The following DNAJB6 variants were observed in gnomAD, a reference collection of about 807,000 sequenced individuals.
The protein encoded by DNAJB6 is DnaJ heat shock protein family (Hsp40) member B6.
In DNAJB6, 16 loss-of-function variants were observed where a neutral mutation model predicts 42.7. That is an observed-to-expected ratio of 0.37 (90% CI 0.25 to 0.57). The LOEUF (loss-of-function observed/expected upper bound fraction) is 0.57, where lower values mean the gene tolerates loss of function less well. Among genes scored for constraint, DNAJB6 ranks in the 20% least tolerant of loss-of-function variants. The pLI is 0.74. For missense variants in DNAJB6, 347 were observed against 416.8 expected (o/e 0.83, Z 1.46); for synonymous variants, 170 against 163.5 (o/e 1.04, Z -0.30).
chr7:157,347,527 G>A (rs532326268), intron 1 of DNAJB6, among the ~76,000 whole-genome samples: 1 of 152,236 alleles, frequency 6.6e-6, no homozygotes, highest in African/African-American at 2.4e-5. Flanking sequence ...TTTTGAACTT[G>A]CTGGAACATT....
chr7:157,351,803 T>C (rs1014718882), intron 1 of DNAJB6, among the ~76,000 whole-genome samples: 6 of 148,008 alleles, frequency 4.1e-5, no homozygotes, highest in African/African-American at 1.2e-4. Flanking sequence ...GTGTCTACTT[T>C]AAAAAAAACC....
chr7:157,377,508 C>T (rs531480246), intron 5 of DNAJB6, among the ~76,000 whole-genome samples: 12 of 152,092 alleles, frequency 7.9e-5, no homozygotes, highest in South Asian at 6.3e-4. Flanking sequence ...GGGGGAGAAA[C>T]GTGTATTACA....
rs183349203 is a variant in DNAJB6, at chr7:157,350,752, C to T, written c.-26-7795C>T. ...TCTCCCAGGCTGGAGTGCAGTGGTG[C>T]GATCTTGGCTCACTGCAACCACCAC... On this transcript the variant is annotated intron_variant, in intron 1 of 9. Transcript: ENST00000262177. 4.8e-3 allele frequency among the ~76,000 whole-genome samples: 721 copies of T among 150,954 alleles called. 7 individuals carry two copies. The highest frequency in any genetic ancestry group is 6.9e-3 in the Non-Finnish European group (471 of 67,856).
At chr7:157,410,203 C>G in intron 9 of DNAJB6, 1 of 1,316,112 alleles carries the variant, frequency 7.6e-7, no homozygotes, top group Non-Finnish European at 9.9e-7. Flanking sequence ...TCCGGGCCCC[C>G]CACCGTTAAA....
At chr7:157,368,970 A>G (rs1799977834) in intron 5 of DNAJB6, 1 of 337,162 alleles carries the variant, frequency 3.0e-6, no homozygotes, top group Non-Finnish European at 5.8e-6. Context: ...TGCATGGTGC[A>G]GTTCTTCAGT....
At position 157,416,941 on chromosome 7, in the gene DNAJB6, C is replaced by T. The variant is rs1022138872; in HGVS notation, c.*843C>T. The T allele has an allele frequency of 1.3e-5, 2 of 152,196 alleles. No homozygotes were observed. Among genetic ancestry groups the T allele is most frequent in the Non-Finnish European group, 2.9e-5 (2 of 68,046 alleles). 9.4% of individuals were successfully genotyped at this position (152,196 alleles called of 1,614,324 possible). A position where few individuals can be genotyped will look rare whatever the true frequency, so the allele number is the denominator to read the frequency against. On this transcript the variant is annotated 3_prime_UTR_variant, in exon 10 of 10. Transcript: ENST00000262177. ...GACTCCTTACGAAAGTCACTTCATT[C>T]TAACTAGATGCGCCCACTTCCGGTC... is the stretch of plus-strand genomic sequence containing the variant.
Position 157,358,696 on chromosome 7 carries a change from A to G in DNAJB6, c.65+59A>G, listed in dbSNP as rs1268954331. Reference sequence around the variant, plus strand: ...CACAGTGGTACATTGGTAATTGAGTAGTATAACTTCTTCTATTGCCTATGA... The same window carrying G: ...CACAGTGGTACATTGGTAATTGAGTGGTATAACTTCTTCTATTGCCTATGA... On this transcript the variant is annotated intron_variant, in intron 2 of 9. Transcript: ENST00000262177. 12 of 1,347,582 alleles carry G rather than the reference A, an allele frequency of 8.9e-6. No individual in the cohort carries two copies. In the African/African-American group the frequency reaches 1.1e-4, roughly 13 times the overall value. The allele number at this position is 1,347,582 out of a possible 1,614,324, so 83.5% of individuals were successfully genotyped here.
intron 8 of DNAJB6, among the ~76,000 whole-genome samples, chr7:157,395,707 C>T (rs373406685): frequency 5.3e-5 from 7 of 132,768 alleles, no homozygotes; most frequent in East Asian, 2.3e-4. Context: ...TTTTTTGAGA[C>T]GGAGTCATGC....
At chr7:157,357,571 A>G (rs1490229158) in intron 1 of DNAJB6, among the ~76,000 whole-genome samples, 2 of 151,880 alleles carry the variant, frequency 1.3e-5, no homozygotes, top group Non-Finnish European at 2.9e-5. Context: ...TCGGCCTCCT[A>G]AAGCGCTGGG....
rs1215557497 is a variant in DNAJB6, at chr7:157,385,049, C to T, written c.620+41C>T. ...GCATTTTATATTTTTAGTAAGCAGGCGTAACGTTTCACTGGTGCCATGTTG... is the reference window on the plus strand; with the variant it reads ...GCATTTTATATTTTTAGTAAGCAGGTGTAACGTTTCACTGGTGCCATGTTG... On this transcript the variant is annotated intron_variant, in intron 7 of 9. Transcript: ENST00000262177. 4.4e-6 allele frequency: 7 copies of T among 1,592,088 alleles called. No homozygotes were observed. The Admixed American group carries it at 5.1e-5, about 12-fold the overall frequency.
At chr7:157,351,661 C>CA (rs996992597) in intron 1 of DNAJB6, among the ~76,000 whole-genome samples, 3 of 36,386 alleles carry the variant, frequency 8.2e-5, no homozygotes, top group Admixed American at 3.6e-4. Context: ...ACAACAACAA[C>CA]AAAAAAAACC....
chr7:157,403,373 C>T (rs905458978), intron 8 of DNAJB6, among the ~76,000 whole-genome samples: 2 of 152,282 alleles, frequency 1.3e-5, no homozygotes, highest in African/African-American at 4.8e-5. Flanking sequence ...ACTGACATTG[C>T]CAGGGTGAAA....
At chr7:157,337,883 T>C (rs1262022082) in intron 1 of DNAJB6, 1 of 151,904 alleles carries the variant, frequency 6.6e-6, no homozygotes, top group Non-Finnish European at 1.5e-5. Context: ...TAGCGAATTT[T>C]TTAAAGGATG....
At chr7:157,379,870 G>A (rs1168655919) in intron 5 of DNAJB6, 1 of 143,642 alleles carries the variant, frequency 7.0e-6, no homozygotes, top group Non-Finnish European at 1.5e-5. Context: ...GGAGTGCTGT[G>A]GTGTGATCTT....
chr7:157,344,438 G>GGGA (rs1798579190), intron 1 of DNAJB6, among the ~76,000 whole-genome samples: 2 of 152,032 alleles, frequency 1.3e-5, no homozygotes, highest in Non-Finnish European at 2.9e-5. Flanking sequence ...GCTGGAACCA[G>GGGA]GGAGGTGGAG....
intron 8 of DNAJB6, among the ~76,000 whole-genome samples, chr7:157,397,775 C>G (rs1282004444): frequency 6.6e-6 from 1 of 152,212 alleles, no homozygotes; most frequent in African/African-American, 2.4e-5. Flanking sequence ...CTCTCGACCT[C>G]TGCCCTTCAT....
intron 5 of DNAJB6, among the ~76,000 whole-genome samples, chr7:157,374,455 C>A (rs1800371422): frequency 6.6e-6 from 1 of 152,094 alleles, no homozygotes; most frequent in Non-Finnish European, 1.5e-5. Flanking sequence ...GACAGGGTTT[C>A]TTCATGTTGG....
intron 7 of DNAJB6, 41 bp from the exon 8 acceptor site, chr7:157,385,500 T>C: frequency 1.2e-6 from 2 of 1,601,594 alleles, no homozygotes; most frequent in South Asian, 1.1e-5. Flanking sequence ...ACATGCATTT[T>C]CTTTACCAGA....
chr7:157,409,707 C>G (rs1584951879), intron 8 of DNAJB6, 88 bp from the exon 9 acceptor site: 1 of 1,372,936 alleles, frequency 7.3e-7, no homozygotes, highest in Non-Finnish European at 9.6e-7. Context: ...TCAGGGAGAT[C>G]GTGCGGCCAG....
Sources: allele counts gnomAD v4.1 joint callset (sites outside exome capture counted in the v4.1 genomes callset), GRCh38; gene constraint gnomAD v4.1.1; transcripts MANE v1.5; gene names NCBI Gene and HGNC (gene_info 2026-07-23, HGNC 2026-07-21).